Variants in PLD1 observed in about 807,000 individuals in gnomAD.
PLD1 encodes phospholipase D1, also known as choline phosphatase 1.
Under a neutral mutation model 137.1 loss-of-function variants are expected in PLD1, and 112 were observed. The observed-to-expected ratio is 0.82, with a 90% CI of 0.70 to 0.96. The LOEUF is 0.96. Ranked by LOEUF, PLD1 falls within the 40% of genes least tolerant of loss-of-function variation. The probability of loss-of-function intolerance (pLI) is 0.00; values close to 1 mark genes in which losing one functional copy is unlikely to be tolerated. For synonymous variants in PLD1, 431 were observed against 454.7 expected (o/e 0.95, Z 0.66); for missense variants, 1,321 against 1,342.0 (o/e 0.98, Z 0.24).
At chr3:171,638,375 C>A (rs1389495360) in intron 23 of PLD1, among the ~76,000 whole-genome samples, 1 of 151,916 alleles carries the variant, frequency 6.6e-6, no homozygotes, top group Non-Finnish European at 1.5e-5. Context: ...ATAATTGTAC[C>A]ATGCCATGGG....
At chr3:171,760,576 C>T (rs377241299) in intron 1 of PLD1, among the ~76,000 whole-genome samples, 9 of 152,316 alleles carry the variant, frequency 5.9e-5, no homozygotes, top group Admixed American at 4.6e-4. Context: ...TGAGCATGCT[C>T]AAAGTCAGAG....
chr3:171,650,303 G>A (rs147910863), intron 21 of PLD1, among the ~76,000 whole-genome samples: 1 of 152,294 alleles, frequency 6.6e-6, no homozygotes, highest in African/African-American at 2.4e-5. Context: ...GAGGATCTGT[G>A]CCTTGCTTTC....
intron 6 of PLD1, among the ~76,000 whole-genome samples, chr3:171,726,336 G>GGA (rs140543382): frequency 1.5e-4 from 22 of 150,722 alleles, no homozygotes; most frequent in South Asian, 8.4e-4. Flanking sequence ...CAAGAAGCTT[G>GGA]GAGAGAGAGA....
intron 23 of PLD1, among the ~76,000 whole-genome samples, chr3:171,642,352 G>A (rs1280925238): frequency 6.6e-6 from 1 of 151,248 alleles, no homozygotes; most frequent in East Asian, 1.9e-4. Context: ...AGCTACTCGG[G>A]AGGCTGAGGC....
rs370117473 is a variant in PLD1 at position 171,696,114 on chromosome 3, C to A, written c.1227+3631G>T. Among the ~76,000 whole-genome samples the A allele has an allele frequency of 7.7e-4, 117 of 152,218 alleles. 1 individual carries two copies. The highest frequency in any genetic ancestry group is 2.8e-3 in the African/African-American group (115 of 41,516). On this transcript the variant is annotated intron_variant, in intron 12 of 26. Coordinates refer to ENST00000351298, the MANE Select transcript of PLD1 (RefSeq NM_002662.5). Reference sequence around the variant, plus strand: ...CAACTCTACATTGTGCCTTGTGATCCAGGACAGAAAATCAACCTGAAGACA... The same window carrying A: ...CAACTCTACATTGTGCCTTGTGATCAAGGACAGAAAATCAACCTGAAGACA...
At chr3:171,674,175 A>G (rs1041998608) in intron 19 of PLD1, among the ~76,000 whole-genome samples, 2 of 152,250 alleles carry the variant, frequency 1.3e-5, no homozygotes, top group African/African-American at 2.4e-5. Flanking sequence ...TTTCAGCCAC[A>G]TTCCTGGTGC....
chr3:171,705,209 A>C (rs767810742), intron 11 of PLD1, among the ~76,000 whole-genome samples: 25 of 152,252 alleles, frequency 1.6e-4, no homozygotes, highest in Non-Finnish European at 3.4e-4. Flanking sequence ...CAGAAGGAGG[A>C]GAGAAAGAGG....
chr3:171,726,748 A>T, intron 6 of PLD1, among the ~76,000 whole-genome samples: 1 of 152,216 alleles, frequency 6.6e-6, no homozygotes, highest in East Asian at 1.9e-4. Flanking sequence ...TATAACAACA[A>T]CTGTGGCTGT....
intron 8 of PLD1, among the ~76,000 whole-genome samples, chr3:171,714,604 G>A (rs1717534185): frequency 6.6e-6 from 1 of 152,178 alleles, no homozygotes; most frequent in Admixed American, 6.5e-5. Context: ...AAGTAATACT[G>A]TAAATATAGC....
chr3:171,611,159 C>T (rs1352581390), intron 25 of PLD1, among the ~76,000 whole-genome samples: 1 of 152,152 alleles, frequency 6.6e-6, no homozygotes, highest in Admixed American at 6.5e-5. Context: ...CTGCTGCATC[C>T]CACTATACAG....
intron 23 of PLD1, among the ~76,000 whole-genome samples, chr3:171,640,726 G>A (rs922505190): frequency 6.6e-6 from 1 of 152,082 alleles, no homozygotes; most frequent in Non-Finnish European, 1.5e-5. Context: ...ATCCTTTCCT[G>A]AGCACGTGCA....
In PLD1 at chr3:171,747,094, T is replaced by C. The variant is rs138118285; in HGVS notation, c.-31-9012A>G. Reference sequence around the variant, plus strand: ...GGCACTCAAGGAGCAGGTCTGCAGCTTCACTCCTGAGGCCAGCGAGACCAC... The same window carrying C: ...GGCACTCAAGGAGCAGGTCTGCAGCCTCACTCCTGAGGCCAGCGAGACCAC... On this transcript the variant is annotated intron_variant, in intron 1 of 26. Coordinates refer to ENST00000351298, the MANE Select transcript of PLD1 (RefSeq NM_002662.5). 6.1e-3 allele frequency among the ~76,000 whole-genome samples: 929 copies of C among 152,196 alleles called. 7 individuals are homozygous for C. Among genetic ancestry groups the C allele is most frequent in the African/African-American group, 0.021 (889 of 41,528 alleles).
chr3:171,683,655 T>A (rs1375794250), intron 16 of PLD1, among the ~76,000 whole-genome samples: 2 of 152,196 alleles, frequency 1.3e-5, no homozygotes, highest in Non-Finnish European at 2.9e-5. Flanking sequence ...ATGCTCTTCC[T>A]CCCGGATCAT....
chr3:171,747,250 C>T (rs1393219433), intron 1 of PLD1, among the ~76,000 whole-genome samples: 1 of 152,196 alleles, frequency 6.6e-6, no homozygotes, highest in Non-Finnish European at 1.5e-5. Context: ...GACCAAGAAC[C>T]CACCAATTTC....
At chr3:171,720,348 C>T (rs1202973007) in intron 8 of PLD1, among the ~76,000 whole-genome samples, 1 of 146,442 alleles carries the variant, frequency 6.8e-6, no homozygotes, top group Non-Finnish European at 1.5e-5. Context: ...GTAATCCCAA[C>T]ACTTTGGGAG....
rs555529127 is a variant in PLD1, at chr3:171,729,576, G to A, written c.607-3500C>T. 1.7e-4 allele frequency among the ~76,000 whole-genome samples: 26 copies of A among 152,268 alleles called. 1 individual carries two copies. In the South Asian group the frequency reaches 5.2e-3, roughly 30 times the overall value. On this transcript the variant is annotated intron_variant, in intron 6 of 26. Coordinates refer to ENST00000351298, the MANE Select transcript of PLD1 (RefSeq NM_002662.5). Reference sequence around the variant, plus strand: ...CAGGTGGGAAATTATCAGATACAAGGAAGGTAAGAGCATTGAGTTGGGCAA... The same window carrying A: ...CAGGTGGGAAATTATCAGATACAAGAAAGGTAAGAGCATTGAGTTGGGCAA...
intron 24 of PLD1, among the ~76,000 whole-genome samples, chr3:171,617,377 C>T (rs1266838329): frequency 6.6e-6 from 1 of 152,162 alleles, no homozygotes; most frequent in African/African-American, 2.4e-5. Context: ...GCCCCTGAAC[C>T]TTCTTGTTCT....
At chr3:171,685,087 C>T (rs1714415180) in intron 16 of PLD1, among the ~76,000 whole-genome samples, 2 of 152,184 alleles carry the variant, frequency 1.3e-5, no homozygotes, top group African/African-American at 4.8e-5. Context: ...TGGCCCAACA[C>T]GAATTCACAA....
chr3:171,659,184 A>T (rs1280453532), intron 21 of PLD1, 29 bp downstream of exon 21: 5 of 1,367,334 alleles, frequency 3.7e-6, no homozygotes, highest in Non-Finnish European at 5.2e-6. Context: ...GAACATCTGC[A>T]GCGAGAACTC....
Sources: gnomAD v4.1 joint callset for allele counts (sites outside exome capture counted in the v4.1 genomes callset) on GRCh38, gnomAD v4.1.1 for gene constraint, MANE v1.5 for transcripts, NCBI Gene and HGNC (gene_info 2026-07-23, HGNC 2026-07-21) for gene names.